ALDH1A2: variants seen among roughly 807,000 people sequenced by gnomAD.
ALDH1A2 encodes aldehyde dehydrogenase 1 family member A2, also known as retinal dehydrogenase 2.
Under a neutral mutation model 60.3 loss-of-function variants are expected in ALDH1A2, and 27 were observed. The ratio of observed to expected loss-of-function variants is 0.45; its 90% CI spans 0.33 to 0.62. ALDH1A2 has a LOEUF of 0.62. Among genes scored for constraint, ALDH1A2 ranks in the 20% least tolerant of loss-of-function variants. The probability of loss-of-function intolerance (pLI) is 0.02; values close to 1 mark genes in which losing one functional copy is unlikely to be tolerated. For synonymous variants in ALDH1A2, 289 were observed against 232.4 expected (o/e 1.24, Z -2.21); for missense variants, 581 against 643.8 (o/e 0.90, Z 1.06).
chr15:58,020,076 G>A (rs1166362486), intron 1 of ALDH1A2, among the ~76,000 whole-genome samples: 1 of 151,906 alleles, frequency 6.6e-6, no homozygotes, highest in East Asian at 1.9e-4. Context: ...AGAACATGTG[G>A]TGTTTGGTTT....
chr15:58,048,911 A>T (rs1896703484), intron 1 of ALDH1A2, among the ~76,000 whole-genome samples: 1 of 151,922 alleles, frequency 6.6e-6, no homozygotes, highest in African/African-American at 2.4e-5. Context: ...CAAGATAATG[A>T]ATATATCCAT....
intron 1 of ALDH1A2, among the ~76,000 whole-genome samples, chr15:58,043,857 CA>C: frequency 6.6e-6 from 1 of 152,052 alleles, no homozygotes; most frequent in Non-Finnish European, 1.5e-5. Flanking sequence ...TCGGTCTAAA[CA>C]TAGTAGAGGC....
intron 1 of ALDH1A2, among the ~76,000 whole-genome samples, chr15:58,061,361 T>A (rs546904280): frequency 6.6e-6 from 1 of 151,568 alleles, no homozygotes; most frequent in Non-Finnish European, 1.5e-5. Flanking sequence ...AAGTAAAGGT[T>A]TGGAAGGATC....
Position 57,992,803 on chromosome 15 carries a change from C to T in ALDH1A2, c.700G>A (p.Gly234Arg), listed in dbSNP as rs1179237166. ...TATCCTGGCAAAATATTGATGACCC[C>T]GGGAGGAAAGCCAGCCTAAGAAAAC... ...ALIKEAGFPP[G>R]VINILPGYGP... Residue 234 changes from glycine (G) to arginine (R), a missense_variant, in exon 7 of 13, where the codon GGG becomes AGG. By Grantham distance (125) the Gly-to-Arg change is moderately radical (BLOSUM62 -2). Coordinates refer to ENST00000249750, the MANE Select transcript of ALDH1A2 (RefSeq NM_003888.4). 7 of 1,613,866 alleles carry T rather than the reference C, an allele frequency of 4.3e-6. No homozygotes were observed. Among genetic ancestry groups the T allele is most frequent in the Non-Finnish European group, 5.9e-6 (7 of 1,179,956 alleles).
chr15:58,040,486 CCATTT>C (rs767738074), intron 1 of ALDH1A2, among the ~76,000 whole-genome samples: 13 of 151,998 alleles, frequency 8.6e-5, no homozygotes, highest in Admixed American at 3.3e-4. Flanking sequence ...TGAACTTTCA[CCATTT>C]CATTTCATCT....
At chr15:57,980,952 C>A (rs1343269343) in intron 7 of ALDH1A2, among the ~76,000 whole-genome samples, 4 of 152,106 alleles carry the variant, frequency 2.6e-5, no homozygotes, top group Non-Finnish European at 2.9e-5. Flanking sequence ...TTAATTATTG[C>A]CTCAATTTCA....
At chr15:57,965,921 G>A in intron 7 of ALDH1A2, 94 bp from the exon 8 acceptor site, 1 of 953,162 alleles carries the variant, frequency 1.0e-6, no homozygotes, top group Non-Finnish European at 1.7e-6. Flanking sequence ...GGATGCAACA[G>A]TAACAAACCC....
intron 8 of ALDH1A2, 161 bp from the exon 9 acceptor site, chr15:57,964,230 C>G: frequency 1.5e-6 from 1 of 671,334 alleles, no homozygotes; most frequent in Non-Finnish European, 2.5e-6. Flanking sequence ...TCTAACTACA[C>G]CCTGACATGC....
rs189987551 is a variant in ALDH1A2 at position 58,028,743 on chromosome 15, G to T, written c.118-14462C>A. Among the ~76,000 whole-genome samples, 420 of 152,160 alleles carry T rather than the reference G, an allele frequency of 2.8e-3. 1 individual carries two copies. The highest frequency in any genetic ancestry group is 9.8e-3 in the African/African-American group (407 of 41,520). ...ATGGAAAGCAAAAACAAAAGCAGGGGTTGCAATCCCAGTCTGATGAAACAG... is the reference window on the plus strand; with the variant it reads ...ATGGAAAGCAAAAACAAAAGCAGGGTTTGCAATCCCAGTCTGATGAAACAG... On this transcript the variant is annotated intron_variant, in intron 1 of 12. Transcript: ENST00000249750.
Position 57,961,270 on chromosome 15 carries a change from A to G in ALDH1A2, c.1276T>C (p.Leu426=), listed in dbSNP as rs779296410. 1 of 1,614,036 alleles carries G rather than the reference A, an allele frequency of 6.2e-7. No individual in the cohort carries two copies. Among genetic ancestry groups the G allele is most frequent in the South Asian group, 1.1e-5 (1 of 91,066 alleles). Residue 426 remains leucine, a synonymous_variant, in exon 11 of 13, where the codon TTG becomes CTG. Transcript: ENST00000249750. ...ACTTCATCCATCGTCTTAAATCTCA[A>G]AATTTCCTGAACAGGGCCAAAGATC... ...EEIFGPVQEI[L]RFKTMDEVIE...
chr15:57,978,100 T>TA (rs1894332719), intron 7 of ALDH1A2, among the ~76,000 whole-genome samples: 1 of 152,186 alleles, frequency 6.6e-6, no homozygotes, highest in South Asian at 2.1e-4. Context: ...GGGCTGAGAC[T>TA]ATGGGGTTTT....
chr15:57,977,441 A>G (rs565315421), intron 7 of ALDH1A2, among the ~76,000 whole-genome samples: 1 of 152,266 alleles, frequency 6.6e-6, no homozygotes, highest in Admixed American at 6.5e-5. Flanking sequence ...TAAGGGGTCC[A>G]GTTACTGTTT....
rs1257973488 is a variant in ALDH1A2, at chr15:58,060,467, T to TAA, written c.117+5066_117+5067insTT. On this transcript the variant is annotated intron_variant, in intron 1 of 12. Transcript: ENST00000249750. Reference sequence around the variant, plus strand: ...TCTTTAAGATGCCACACATATCTTTTTTTTTTTTTTTTTTTTTTTGTGCTG... The same window carrying TAA: ...TCTTTAAGATGCCACACATATCTTTTAATTTTTTTTTTTTTTTTTTTGTGCTG... Among the ~76,000 whole-genome samples the TAA allele has an allele frequency of 4.0e-4, 57 of 141,172 alleles. No individual in the cohort carries two copies. The South Asian group carries it at 5.1e-3, about 13-fold the overall frequency. 92.6% of individuals were successfully genotyped at this position (141,172 alleles called of 152,430 possible).
At chr15:57,988,928 G>GGAGGCT (rs1204608818) in intron 7 of ALDH1A2, among the ~76,000 whole-genome samples, 1 of 152,118 alleles carries the variant, frequency 6.6e-6, no homozygotes, top group East Asian at 1.9e-4. Flanking sequence ...CAGCATTTTG[G>GGAGGCT]GAGGCTGAGG....
chr15:58,025,920 G>A (rs1896066727), intron 1 of ALDH1A2, among the ~76,000 whole-genome samples: 1 of 152,134 alleles, frequency 6.6e-6, no homozygotes, highest in Admixed American at 6.5e-5. Flanking sequence ...CATTACCTCA[G>A]AGAGTGCACC....
At chr15:58,011,542 C>T (rs1046609787) in intron 3 of ALDH1A2, among the ~76,000 whole-genome samples, 6 of 152,062 alleles carry the variant, frequency 3.9e-5, no homozygotes, top group East Asian at 1.9e-4. Flanking sequence ...GTTACAAGTT[C>T]GACAAATGAA....
chr15:58,012,367 G>A (rs1268339688), intron 3 of ALDH1A2, among the ~76,000 whole-genome samples: 4 of 151,732 alleles, frequency 2.6e-5, no homozygotes, highest in African/African-American at 9.7e-5. Context: ...ACCAAAAAAA[G>A]GTAAAATACA....
At chr15:58,054,164 C>G (rs576483589) in intron 1 of ALDH1A2, among the ~76,000 whole-genome samples, 1 of 151,798 alleles carries the variant, frequency 6.6e-6, no homozygotes, top group Middle Eastern at 3.4e-3. Flanking sequence ...TGAGTCTAAA[C>G]GAGAAATAAG....
At chr15:58,022,409 G>T (rs1460028301) in intron 1 of ALDH1A2, among the ~76,000 whole-genome samples, 3 of 152,052 alleles carry the variant, frequency 2.0e-5, no homozygotes, top group African/African-American at 7.3e-5. Flanking sequence ...CAATATCCAT[G>T]CACACTACTC....
Sources: allele counts gnomAD v4.1 joint callset (sites outside exome capture counted in the v4.1 genomes callset), GRCh38; gene constraint gnomAD v4.1.1; transcripts MANE v1.5; gene names NCBI Gene and HGNC (gene_info 2026-07-23, HGNC 2026-07-21).